Variants in ADAMTS3 observed in about 807,000 individuals in gnomAD.
The protein encoded by ADAMTS3 is ADAM metallopeptidase with thrombospondin type 1 motif 3.
ADAMTS3 carries 73 observed loss-of-function variants against 129.0 expected under a neutral mutation model. That is an observed-to-expected ratio of 0.57 (90% confidence interval 0.47 to 0.69). The LOEUF is 0.69. ADAMTS3 is among the 30% of genes least tolerant of loss of function. The pLI is 0.00. For synonymous variants in ADAMTS3, 477 were observed against 510.8 expected (o/e 0.93, Z 0.89); for missense variants, 1,457 against 1,514.5 (o/e 0.96, Z 0.63).
intron 3 of ADAMTS3, among the ~76,000 whole-genome samples, chr4:72,533,673 A>ATATGTATATATACATAGATATG (rs1164175826): frequency 2.0e-5 from 3 of 151,370 alleles, no homozygotes; most frequent in East Asian, 1.9e-4. Flanking sequence ...GTATATGCAC[A>ATATGTATATATACATAGATATG]TATATGCACA....
chr4:72,311,351 A>ATT (rs3217411), intron 13 of ADAMTS3, among the ~76,000 whole-genome samples, 170 bp from the exon 14 acceptor site: 6 of 150,154 alleles, frequency 4.0e-5, no homozygotes, highest in South Asian at 2.1e-4. Context: ...TACATTTGAC[A>ATT]TTTTTTTTTT....
Position 72,528,840 on chromosome 4 carries a change from T to C in ADAMTS3, c.504+19638A>G, listed in dbSNP as rs78561172. On this transcript the variant is annotated intron_variant, in intron 3 of 21. Coordinates refer to ENST00000286657, the MANE Select transcript of ADAMTS3 (RefSeq NM_014243.3). ...CAATCAGTCTGTCAATATTAATTTG[T>C]TGAGTACACACTCTACGCCAAGAAT... is the stretch of plus-strand genomic sequence containing the variant. Among the ~76,000 whole-genome samples, 98 of 152,264 alleles carry C rather than the reference T, an allele frequency of 6.4e-4. No individual in the cohort carries two copies. In the East Asian group the frequency reaches 0.018, roughly 28 times the overall value.
At chr4:72,517,340 G>A (rs1338223998) in intron 3 of ADAMTS3, among the ~76,000 whole-genome samples, 4 of 152,192 alleles carry the variant, frequency 2.6e-5, no homozygotes, top group Non-Finnish European at 5.9e-5. Flanking sequence ...TCAGGATGAT[G>A]CTGGCCTCAT....
chr4:72,380,830 CA>C (rs1469172278), intron 4 of ADAMTS3, among the ~76,000 whole-genome samples: 8 of 152,108 alleles, frequency 5.3e-5, no homozygotes, highest in Non-Finnish European at 1.2e-4. Context: ...AGAAATACAT[CA>C]TCTTGACATC....
chr4:72,302,284 T>A, intron 17 of ADAMTS3, among the ~76,000 whole-genome samples: 2 of 127,916 alleles, frequency 1.6e-5, no homozygotes, highest in African/African-American at 3.0e-5. Context: ...TTATGAAAAA[T>A]TCAGCCGAAA....
intron 16 of ADAMTS3, among the ~76,000 whole-genome samples, chr4:72,305,637 A>G (rs1719064333): frequency 6.6e-6 from 1 of 151,910 alleles, no homozygotes; most frequent in Non-Finnish European, 1.5e-5. Flanking sequence ...TTCTTGTTTT[A>G]AAGTAAGCAT....
intron 4 of ADAMTS3, among the ~76,000 whole-genome samples, chr4:72,343,208 ATGT>A (rs1720185648): frequency 6.6e-6 from 1 of 152,122 alleles, no homozygotes; most frequent in African/African-American, 2.4e-5. Flanking sequence ...GGCCAGTGCC[ATGT>A]TGTCTCATCC....
chr4:72,562,517 A>C (rs1197173450), intron 2 of ADAMTS3, among the ~76,000 whole-genome samples: 1 of 152,210 alleles, frequency 6.6e-6, no homozygotes, highest in Non-Finnish European at 1.5e-5. Context: ...ATTAAAATGA[A>C]GTTCAGAAGG....
chr4:72,555,237 G>A (rs1721732570), intron 2 of ADAMTS3, among the ~76,000 whole-genome samples: 1 of 151,622 alleles, frequency 6.6e-6, no homozygotes, highest in Non-Finnish European at 1.5e-5. Flanking sequence ...ACTTAGGTTT[G>A]GTATTTAAAG....
chr4:72,549,314 A>G (rs1721551546), intron 2 of ADAMTS3, among the ~76,000 whole-genome samples: 1 of 152,142 alleles, frequency 6.6e-6, no homozygotes, highest in African/African-American at 2.4e-5. Flanking sequence ...TTCCCTGTAG[A>G]AATCCTGGAA....
intron 3 of ADAMTS3, among the ~76,000 whole-genome samples, chr4:72,455,824 A>G (rs1233878938): frequency 7.6e-6 from 1 of 130,876 alleles, no homozygotes; most frequent in East Asian, 2.3e-4. Flanking sequence ...TTTTACATAT[A>G]GTATATACAG....
At chr4:72,559,211 T>C (rs2109803233) in intron 2 of ADAMTS3, among the ~76,000 whole-genome samples, 1 of 151,926 alleles carries the variant, frequency 6.6e-6, no homozygotes, top group African/African-American at 2.4e-5. Flanking sequence ...CTGTGTGAAC[T>C]AGGTTCCTGT....
At chr4:72,448,230 C>T (rs1234157236) in intron 3 of ADAMTS3, among the ~76,000 whole-genome samples, 1 of 151,728 alleles carries the variant, frequency 6.6e-6, no homozygotes, top group Non-Finnish European at 1.5e-5. Context: ...GGATACTGCT[C>T]GACCTCCCCT....
intron 4 of ADAMTS3, among the ~76,000 whole-genome samples, chr4:72,405,944 T>C (rs1245943508): frequency 1.3e-5 from 2 of 152,100 alleles, no homozygotes; most frequent in Non-Finnish European, 2.9e-5. Context: ...TCCTACTCTG[T>C]TTTGGAGATT....
chr4:72,430,608 C>A (rs1722673493), intron 3 of ADAMTS3, among the ~76,000 whole-genome samples: 1 of 151,922 alleles, frequency 6.6e-6, no homozygotes, highest in Non-Finnish European at 1.5e-5. Flanking sequence ...CATACAAAAT[C>A]CATGAACATA....
chr4:72,556,485 T>C (rs1054167482), intron 2 of ADAMTS3, among the ~76,000 whole-genome samples: 1 of 151,772 alleles, frequency 6.6e-6, no homozygotes, highest in African/African-American at 2.4e-5. Flanking sequence ...GACTTCAGTA[T>C]AAATCTCTTA....
intron 14 of ADAMTS3, 107 bp downstream of exon 14, chr4:72,310,941 T>C (rs923309783): frequency 1.4e-5 from 15 of 1,065,086 alleles, no homozygotes; most frequent in Non-Finnish European, 2.0e-5. Context: ...ACACTTACTA[T>C]AATGTGATTT....
intron 3 of ADAMTS3, among the ~76,000 whole-genome samples, chr4:72,484,240 T>C (rs982185250): frequency 2.6e-5 from 4 of 152,192 alleles, no homozygotes; most frequent in African/African-American, 4.8e-5. Flanking sequence ...GCACAGTACA[T>C]ATTAAGGCAC....
At chr4:72,396,870 G>T (rs904946960) in intron 4 of ADAMTS3, among the ~76,000 whole-genome samples, 1 of 152,116 alleles carries the variant, frequency 6.6e-6, no homozygotes, top group Non-Finnish European at 1.5e-5. Flanking sequence ...ATGCTGTTGC[G>T]CTTTTATTTT....
Sources: allele counts gnomAD v4.1 joint callset (sites outside exome capture counted in the v4.1 genomes callset), GRCh38; gene constraint gnomAD v4.1.1; transcripts MANE v1.5; gene names NCBI Gene and HGNC (gene_info 2026-07-23, HGNC 2026-07-21).